The following FMOD variants were observed in gnomAD, a reference collection of about 807,000 sequenced individuals.
FMOD encodes the protein KSPG fibromodulin.
In FMOD, 15 loss-of-function variants were observed where a neutral mutation model predicts 27.0. That is an observed-to-expected ratio of 0.55 (90% CI 0.37 to 0.85). The LOEUF (loss-of-function observed/expected upper bound fraction) is 0.85, where lower values mean the gene tolerates loss of function less well. FMOD is among the 40% of genes least tolerant of loss of function. The pLI is 0.00. For missense variants in FMOD, 460 were observed against 483.2 expected (o/e 0.95, Z 0.45); for synonymous variants, 210 against 214.0 (o/e 0.98, Z 0.16).
Position 203,347,423 on chromosome 1 carries a change from T to G in FMOD, c.848A>C (p.Asn283Thr). Reference protein sequence around the residue: ...VRLSHNSLTNNGLASNTFNSS... With the variant: ...VRLSHNSLTNTGLASNTFNSS... The stretch of plus-strand genomic sequence containing the variant: ...ATTGAAGGTGTTGGAGGCCAGGCCA[T>G]TGTTGGTTAGACTGTTGTGGGACAG... The change falls in exon 2 of 3, where the codon AAT (asparagine) becomes ACT (threonine). Residue 283 changes from asparagine to threonine, a missense_variant. Physicochemically the swap from Asn to Thr is moderately conservative, Grantham distance 65. Transcript: ENST00000354955. 1 of 1,614,088 alleles carries G rather than the reference T, an allele frequency of 6.2e-7. No homozygotes were observed. Among genetic ancestry groups the G allele is most frequent in the Non-Finnish European group, 8.5e-7 (1 of 1,180,000 alleles).
rs1658932617 is a variant in FMOD at position 203,348,264 on chromosome 1, A to C, written c.7T>G (p.Trp3Gly). Residue 3 changes from tryptophan (W) to glycine (G), a missense_variant, in exon 2 of 3, where the codon TGG becomes GGG. Physicochemically the swap from Trp to Gly is radical, Grantham distance 184. Coordinates refer to ENST00000354955, the MANE Select transcript of FMOD (RefSeq NM_002023.5). ...CCTGCCAGCAGCAGGAGGGAGGTCC[A>C]CTGCATTTTGTCTCTGCAAGAAGCG... MQ[W>G]TSLLLLAGLF... The C allele has an allele frequency of 6.2e-7, 1 of 1,612,938 alleles. No individual in the cohort carries two copies.
chr1:203,342,629 G>T, intron 2 of FMOD, 135 bp from the exon 3 acceptor site: 1 of 871,776 alleles, frequency 1.1e-6, no homozygotes, highest in Non-Finnish European at 1.8e-6. Context: ...TGTTTTCCAG[G>T]ATTGGAGTCA....
intron 2 of FMOD, among the ~76,000 whole-genome samples, chr1:203,342,735 C>G (rs144519375): frequency 6.6e-6 from 1 of 152,066 alleles, no homozygotes; most frequent in East Asian, 1.9e-4. Flanking sequence ...GAACTTTACT[C>G]TGCAGGCCCA....
chr1:203,350,389 A>T (rs6672757), intron 1 of FMOD, among the ~76,000 whole-genome samples: 140,738 of 151,960 alleles, frequency 0.93, 66,125 homozygotes, highest in East Asian at 1. Context: ...AGCTGGGGGA[A>T]GTTTACTCAG....
At position 203,348,064 on chromosome 1, in the gene FMOD, G is replaced by A. The variant is rs553315889; in HGVS notation, c.207C>T (p.Ser69=). ...GGGGGCAGTCGCGGGGATCTGGAGG[G>A]GATGGAGAGCCGTAGGTGTAGGCTG... ...EGPAYTYGSP[S]PPDPRDCPQE... Residue 69 remains serine (S), a synonymous_variant, in exon 2 of 3, where the codon TCC becomes TCT. Transcript: ENST00000354955. The A allele has an allele frequency of 6.2e-7, 1 of 1,613,956 alleles. No individual in the cohort carries two copies. Among genetic ancestry groups the A allele is most frequent in the African/African-American group, 1.3e-5 (1 of 75,054 alleles).
chr1:203,342,833 G>A (rs1489166863), intron 2 of FMOD, among the ~76,000 whole-genome samples: 3 of 152,012 alleles, frequency 2.0e-5, no homozygotes, highest in Non-Finnish European at 4.4e-5. Context: ...GGCAGCAGTA[G>A]GAAGCAGAGG....
Position 203,348,051 on chromosome 1 carries a change from G to A in FMOD, c.220C>T (p.Arg74Cys), listed in dbSNP as rs759183381. ...TYGSPSPPDP[R>C]DCPQECDCPP... ...CAGTCGCACTCCTGGGGGCAGTCGCGGGGATCTGGAGGGGATGGAGAGCCG... is the reference window on the plus strand; with the variant it reads ...CAGTCGCACTCCTGGGGGCAGTCGCAGGGATCTGGAGGGGATGGAGAGCCG... Residue 74 changes from arginine (R) to cysteine (C), a missense_variant, in exon 2 of 3, where the codon CGC becomes TGC. Physicochemically the swap from Arg to Cys is radical, Grantham distance 180. Coordinates refer to ENST00000354955, the MANE Select transcript of FMOD (RefSeq NM_002023.5). 16 of 1,613,098 alleles carry A rather than the reference G, an allele frequency of 9.9e-6. No individual in the cohort carries two copies. The highest frequency in any genetic ancestry group is 3.3e-5 in the South Asian group (3 of 91,024).
In FMOD at chr1:203,343,344, A is replaced by C. The variant is rs112180969; in HGVS notation, c.980-850T>G. On this transcript the variant is annotated intron_variant, in intron 2 of 2. Transcript: ENST00000354955. Reference sequence around the variant, plus strand: ...GTTGTCCCTCTGGTTGTCCTCTTTGACAAATCAACCACTCTGTCTCCAGTC... The same window carrying C: ...GTTGTCCCTCTGGTTGTCCTCTTTGCCAAATCAACCACTCTGTCTCCAGTC... Among the ~76,000 whole-genome samples the C allele has an allele frequency of 8.8e-4, 134 of 152,316 alleles. 1 individual carries two copies. Among genetic ancestry groups the C allele is most frequent in the African/African-American group, 2.9e-3 (122 of 41,562 alleles).
chr1:203,350,456 A>G (rs1013638263), intron 1 of FMOD, among the ~76,000 whole-genome samples: 13 of 152,120 alleles, frequency 8.5e-5, no homozygotes, highest in Admixed American at 4.6e-4. Flanking sequence ...CCCTCCTATC[A>G]GTGGAGAAGG....
chr1:203,347,475 C>T lies in FMOD; in HGVS notation c.796G>A (p.Gly266Arg). The T allele has an allele frequency of 1.2e-6, 2 of 1,614,022 alleles. No individual in the cohort carries two copies. Among genetic ancestry groups the T allele is most frequent in the Non-Finnish European group, 1.7e-6 (2 of 1,180,004 alleles). The change falls in exon 2 of 3, where the codon GGG becomes AGG. Residue 266 changes from glycine (G) to arginine (R), a missense_variant. Coordinates refer to ENST00000354955, the MANE Select transcript of FMOD (RefSeq NM_002023.5). ...VYTVPDSYFR[G>R]APKLLYVRLS... The stretch of plus-strand genomic sequence containing the variant: ...CGCACATACAGCAGCTTGGGCGCCC[C>T]CCGGAAGTAGCTATCGGGGACGGTG...
At chr1:203,342,903 C>G (rs1004543430) in intron 2 of FMOD, among the ~76,000 whole-genome samples, 1 of 151,982 alleles carries the variant, frequency 6.6e-6, no homozygotes, top group Non-Finnish European at 1.5e-5. Context: ...AGAGGGAGGG[C>G]TTTGCTGAAT....
chr1:203,349,988 C>T (rs925122611), intron 1 of FMOD, among the ~76,000 whole-genome samples: 12 of 152,214 alleles, frequency 7.9e-5, no homozygotes, highest in East Asian at 1.9e-4. Context: ...GGAGAGAAGA[C>T]GAATGGAGCG....
At chr1:203,344,649 C>T (rs564158292) in intron 2 of FMOD, among the ~76,000 whole-genome samples, 3 of 152,230 alleles carry the variant, frequency 2.0e-5, no homozygotes, top group East Asian at 1.9e-4. Context: ...TTCCCCTGTG[C>T]GCCCCTGAGC....
chr1:203,347,285 G>C lies in FMOD; in HGVS notation c.979+7C>G, dbSNP rs914526749. The C allele has an allele frequency of 6.2e-7, 1 of 1,601,416 alleles. No homozygotes were observed. Among genetic ancestry groups the C allele is most frequent in the Non-Finnish European group, 8.5e-7 (1 of 1,173,678 alleles). ...CCAGTCCCCGCCTCCCTTTGCCAAG[G>C]TCTCACCATTGATCCTATTGCCTTG... On this transcript the variant is annotated splice_region_variant and intron_variant, in intron 2 of 2. Coordinates refer to ENST00000354955, the MANE Select transcript of FMOD (RefSeq NM_002023.5).
At chr1:203,350,036 TG>T (rs1238185907) in intron 1 of FMOD, among the ~76,000 whole-genome samples, 1 of 152,242 alleles carries the variant, frequency 6.6e-6, no homozygotes, top group African/African-American at 2.4e-5. Flanking sequence ...TGCACAGCCC[TG>T]GGCTGTTGCA....
chr1:203,344,132 CGG>C lies in FMOD; in HGVS notation c.980-1640_980-1639del, dbSNP rs571066777. On this transcript the variant is annotated intron_variant, in intron 2 of 2. Transcript: ENST00000354955. Reference sequence around the variant, plus strand: ...AGCAGGTTGGGGGCAGAGCCTAGACCGGGGCTGGGTCTATGTTATCTGTGTAC... The same window carrying C: ...AGCAGGTTGGGGGCAGAGCCTAGACCGGCTGGGTCTATGTTATCTGTGTAC... 1.5e-4 allele frequency among the ~76,000 whole-genome samples: 23 copies of C among 152,228 alleles called. No homozygotes were observed. The East Asian group carries it at 4.0e-3, about 27-fold the overall frequency.
At chr1:203,342,853 G>T (rs1658821405) in intron 2 of FMOD, among the ~76,000 whole-genome samples, 1 of 152,002 alleles carries the variant, frequency 6.6e-6, no homozygotes, top group Non-Finnish European at 1.5e-5. Context: ...GGTAGCCAAA[G>T]ACCAACCGTA....
At chr1:203,350,849 C>T (rs749307952) in intron 1 of FMOD, among the ~76,000 whole-genome samples, 184 bp downstream of exon 1, 4 of 152,200 alleles carry the variant, frequency 2.6e-5, no homozygotes. Flanking sequence ...AGGTACAGGG[C>T]TGGAACCCCT....
chr1:203,347,238 G>T, intron 2 of FMOD, 54 bp downstream of exon 2: 1 of 1,543,848 alleles, frequency 6.5e-7, no homozygotes, highest in Non-Finnish European at 8.7e-7. Flanking sequence ...TCAGAATAGT[G>T]TCTTTCAAGT....
Sources: allele counts gnomAD v4.1 joint callset (sites outside exome capture counted in the v4.1 genomes callset), GRCh38; gene constraint gnomAD v4.1.1; transcripts MANE v1.5; gene names NCBI Gene and HGNC (gene_info 2026-07-23, HGNC 2026-07-21).